The following BCKDHB variants were observed in gnomAD, a reference collection of about 807,000 sequenced individuals.
The protein encoded by BCKDHB is branched chain keto acid dehydrogenase E1 subunit beta, also known as 2-oxoisovalerate dehydrogenase subunit beta, mitochondrial.
BCKDHB carries 41 observed loss-of-function variants against 48.5 expected under a neutral mutation model. The ratio of observed to expected loss-of-function variants is 0.85; its 90% CI spans 0.66 to 1.10. The LOEUF is 1.10. Ranked by LOEUF, BCKDHB falls within the 50% of genes least tolerant of loss-of-function variation. The pLI is 0.00. For missense variants in BCKDHB, 496 were observed against 494.2 expected (o/e 1.00, Z -0.03); for synonymous variants, 201 against 174.8 (o/e 1.15, Z -1.18).
chr6:80,114,539 A>G (rs1171786948), intron 1 of BCKDHB, among the ~76,000 whole-genome samples: 2 of 152,098 alleles, frequency 1.3e-5, no homozygotes, highest in African/African-American at 4.8e-5. Context: ...ATGAGCCACC[A>G]CGCCTGGCTA....
chr6:80,138,124 T>A (rs1770986202), intron 3 of BCKDHB, among the ~76,000 whole-genome samples: 1 of 151,950 alleles, frequency 6.6e-6, no homozygotes, highest in Non-Finnish European at 1.5e-5. Context: ...CTGATCTATT[T>A]CCATGTAATG....
chr6:80,341,415 T>A (rs911358586), intron 9 of BCKDHB, among the ~76,000 whole-genome samples: 1 of 152,214 alleles, frequency 6.6e-6, no homozygotes, highest in African/African-American at 2.4e-5. Flanking sequence ...TGGAGTCTTC[T>A]CTCACCTCCT....
At chr6:80,392,039 C>T in the BCKDHB span, among the ~76,000 whole-genome samples, 1 of 152,134 alleles carries the variant, frequency 6.6e-6, no homozygotes, top group Non-Finnish European at 1.5e-5. Flanking sequence ...GTTGCCCAGG[C>T]TGGAGTGCAG....
the BCKDHB span, among the ~76,000 whole-genome samples, chr6:80,453,002 C>T: frequency 3.9e-5 from 6 of 152,148 alleles, no homozygotes; most frequent in African/African-American, 1.4e-4. Flanking sequence ...CATTTAGTTG[C>T]TGTTTTCAGA....
chr6:80,287,228 G>A (rs930764576), intron 9 of BCKDHB, among the ~76,000 whole-genome samples: 3 of 152,198 alleles, frequency 2.0e-5, no homozygotes, highest in Non-Finnish European at 2.9e-5. Flanking sequence ...TTTGTCTTCT[G>A]TAGTGGGACA....
At chr6:80,166,484 C>A (rs1016901214) in intron 3 of BCKDHB, among the ~76,000 whole-genome samples, 2 of 151,838 alleles carry the variant, frequency 1.3e-5, no homozygotes, top group South Asian at 2.1e-4. Context: ...GGTGAAACCC[C>A]GTCTTTCCTA....
At chr6:80,402,155 T>C in the BCKDHB span, among the ~76,000 whole-genome samples, 3 of 151,940 alleles carry the variant, frequency 2.0e-5, no homozygotes, top group Non-Finnish European at 3.0e-5. Flanking sequence ...TACTGAATCA[T>C]ATAGTAGTTC....
chr6:80,139,156 C>T (rs1252618722), intron 3 of BCKDHB, among the ~76,000 whole-genome samples: 2 of 151,852 alleles, frequency 1.3e-5, no homozygotes, highest in Admixed American at 6.6e-5. Flanking sequence ...GGTTGTTTGT[C>T]TTTTTCTTGT....
chr6:80,386,731 T>TA, the BCKDHB span, among the ~76,000 whole-genome samples: 1 of 131,222 alleles, frequency 7.6e-6, no homozygotes, highest in Non-Finnish European at 1.7e-5. Flanking sequence ...TAATTAATCA[T>TA]GGTGTTCCTA....
At chr6:80,396,567 C>T in the BCKDHB span, among the ~76,000 whole-genome samples, 10 of 152,228 alleles carry the variant, frequency 6.6e-5, no homozygotes, top group East Asian at 9.7e-4. Flanking sequence ...TTGGCTGTGT[C>T]CCCATCCAAA....
At position 80,167,881 on chromosome 6, in the gene BCKDHB, C is replaced by A. The variant is rs73750071; in HGVS notation, c.477+70C>A. The A allele has an allele frequency of 4.9e-6, 7 of 1,438,022 alleles. No homozygotes were observed. The East Asian group carries it at 7.0e-5, about 14-fold the overall frequency. The allele number at this position is 1,438,022 out of a possible 1,614,324, so 89.1% of individuals were successfully genotyped here. A position where few individuals can be genotyped will look rare whatever the true frequency, so the allele number is the denominator to read the frequency against. ...TCAAGTATTGCCGCTACCCTTCCAC[C>A]CACCCTTACCTGCATTCTAAACATT... On this transcript the variant is annotated intron_variant, in intron 4 of 9. Transcript: ENST00000320393.
chr6:80,451,775 A>G, the BCKDHB span, among the ~76,000 whole-genome samples: 4 of 151,896 alleles, frequency 2.6e-5, no homozygotes, highest in Admixed American at 6.6e-5. Flanking sequence ...TCACAGTATC[A>G]CAGGTCAGAA....
the BCKDHB span, among the ~76,000 whole-genome samples, chr6:80,411,704 C>T: frequency 6.6e-6 from 1 of 152,222 alleles, no homozygotes; most frequent in East Asian, 1.9e-4. Context: ...GCTGCAGCCT[C>T]GCAGGTTGAT....
At chr6:80,225,787 G>A (rs1311398543) in intron 8 of BCKDHB, among the ~76,000 whole-genome samples, 1 of 151,820 alleles carries the variant, frequency 6.6e-6, no homozygotes, top group Non-Finnish European at 1.5e-5. Context: ...TCCTTCCTTT[G>A]AGGCAGTGTT....
At chr6:80,359,932 T>G in the BCKDHB span, among the ~76,000 whole-genome samples, 1 of 152,162 alleles carries the variant, frequency 6.6e-6, no homozygotes, top group African/African-American at 2.4e-5. Context: ...TCTTCTGACA[T>G]CTTGCTGGGA....
intron 3 of BCKDHB, among the ~76,000 whole-genome samples, chr6:80,132,525 T>TA (rs1157208090): frequency 6.6e-6 from 1 of 152,138 alleles, no homozygotes; most frequent in Non-Finnish European, 1.5e-5. Flanking sequence ...TTATTTTCCT[T>TA]AAAAAATAGG....
chr6:80,359,725 G>C, the BCKDHB span, among the ~76,000 whole-genome samples: 1 of 152,136 alleles, frequency 6.6e-6, no homozygotes, highest in African/African-American at 2.4e-5. Flanking sequence ...CTCCTGAGTA[G>C]CTGGGATTAC....
chr6:80,399,973 G>A, the BCKDHB span, among the ~76,000 whole-genome samples: 2 of 152,004 alleles, frequency 1.3e-5, no homozygotes, highest in Admixed American at 6.6e-5. Context: ...ACAAAAACAA[G>A]CAATGGGAAA....
chr6:80,224,878 A>G (rs1319487113), intron 8 of BCKDHB, among the ~76,000 whole-genome samples: 1 of 152,222 alleles, frequency 6.6e-6, no homozygotes, highest in African/African-American at 2.4e-5. Context: ...GTGCACTTCA[A>G]GGTGACACCC....
Sources: allele counts gnomAD v4.1 joint callset (sites outside exome capture counted in the v4.1 genomes callset), GRCh38; gene constraint gnomAD v4.1.1; transcripts MANE v1.5; gene names NCBI Gene and HGNC (gene_info 2026-07-23, HGNC 2026-07-21).